The following GNAZ variants were observed in gnomAD, a reference collection of about 807,000 sequenced individuals.
GNAZ encodes guanine nucleotide-binding protein G(z) subunit alpha.
GNAZ carries 3 observed loss-of-function variants against 25.4 expected under a neutral mutation model. The observed-to-expected ratio is 0.12, with a 90% CI of 0.05 to 0.30. GNAZ has a LOEUF of 0.30. Among genes scored for constraint, GNAZ ranks in the 10% least tolerant of loss-of-function variants. GNAZ has a pLI of 1.00. For synonymous variants in GNAZ, 211 were observed against 205.7 expected (o/e 1.03, Z -0.22); for missense variants, 241 against 501.8 (o/e 0.48, Z 4.97).
intron 1 of GNAZ, among the ~76,000 whole-genome samples, chr22:23,093,423 G>A (rs893335791): frequency 6.6e-6 from 1 of 152,222 alleles, no homozygotes; most frequent in African/African-American, 2.4e-5. Context: ...TCCCAGTGGG[G>A]AACGAGGCCA....
In GNAZ at chr22:23,114,414, G is replaced by A. The variant is rs531350818; in HGVS notation, c.724-8673G>A. Among the ~76,000 whole-genome samples the A allele has an allele frequency of 3.9e-5, 6 of 152,284 alleles. No homozygotes were observed. In the East Asian group the frequency reaches 9.7e-4, roughly 25 times the overall value. ...CCGGCCCCACCCTTCCCAGCAATGC[G>A]GCTGCATCCCCATGCCTCTGTGCCT... On this transcript the variant is annotated intron_variant, in intron 2 of 2. Transcript: ENST00000615612.
Position 23,083,798 on chromosome 22 carries a change from C to T in GNAZ, c.-449-11449C>T, listed in dbSNP as rs149825810. ...AAGTCCAGTCCCACTGCCGAACCAG[C>T]GGCACACCACACCTGTTCAAGGTCG... On this transcript the variant is annotated intron_variant, in intron 1 of 2. Coordinates refer to ENST00000615612, the MANE Select transcript of GNAZ (RefSeq NM_002073.4). Among the ~76,000 whole-genome samples, 596 of 152,326 alleles carry T rather than the reference C, an allele frequency of 3.9e-3. 5 individuals carry two copies. The highest frequency in any genetic ancestry group is 0.02 in the East Asian group (105 of 5,184).
Position 23,071,324 on chromosome 22 carries a change from C to G in GNAZ, c.-450+754C>G, listed in dbSNP as rs2068367721. ...GCTGAGCCTTCCTGGGTGATGATGG[C>G]AGGATTCGGCCTAGGCCGAGAATGG... On this transcript the variant is annotated intron_variant, in intron 1 of 2. Transcript: ENST00000615612. The surrounding 1 kb of genome is among the most constrained non-coding windows in gnomAD (Gnocchi z 4.1). Among the ~76,000 whole-genome samples the G allele has an allele frequency of 6.6e-6, 1 of 152,126 alleles. No individual in the cohort carries two copies. Among genetic ancestry groups the G allele is most frequent in the Non-Finnish European group, 1.5e-5 (1 of 68,026 alleles).
At chr22:23,085,667 C>T (rs549043464) in intron 1 of GNAZ, among the ~76,000 whole-genome samples, 2 of 152,286 alleles carry the variant, frequency 1.3e-5, no homozygotes, top group African/African-American at 4.8e-5. Flanking sequence ...CCCTTCAACA[C>T]CAGTACCAGT....
chr22:23,119,455 A>T (rs537921722), intron 2 of GNAZ, among the ~76,000 whole-genome samples: 3 of 152,256 alleles, frequency 2.0e-5, no homozygotes, highest in African/African-American at 7.2e-5. Context: ...CCCATCTCTG[A>T]GAGCTGCAGG....
At chr22:23,089,673 G>A (rs1187511249) in intron 1 of GNAZ, among the ~76,000 whole-genome samples, 1 of 152,196 alleles carries the variant, frequency 6.6e-6, no homozygotes, top group Non-Finnish European at 1.5e-5. Flanking sequence ...GGCCGGGCCT[G>A]CTGGACGGTG....
rs117100499 is a variant in GNAZ at position 23,097,198 on chromosome 22, G to T, written c.723+780G>T. On this transcript the variant is annotated intron_variant, in intron 2 of 2. Transcript: ENST00000615612. ...GGATGGGGGAGTGGGGGCAAACAAGGAGTCACGAAGTTGTGGGTACCCTGG... is the reference window on the plus strand; with the variant it reads ...GGATGGGGGAGTGGGGGCAAACAAGTAGTCACGAAGTTGTGGGTACCCTGG... 2.4e-4 allele frequency among the ~76,000 whole-genome samples: 36 copies of T among 152,300 alleles called. 1 individual carries two copies. The East Asian group carries it at 6.8e-3, about 29-fold the overall frequency.
At chr22:23,078,951 G>C (rs755985773) in intron 1 of GNAZ, among the ~76,000 whole-genome samples, 59 of 152,258 alleles carry the variant, frequency 3.9e-4, no homozygotes, top group South Asian at 8.3e-4. Flanking sequence ...GGAAGGCCAC[G>C]GGCCTTTCCA....
At chr22:23,100,282 G>T (rs920748769) in intron 2 of GNAZ, among the ~76,000 whole-genome samples, 1 of 152,204 alleles carries the variant, frequency 6.6e-6, no homozygotes, top group Non-Finnish European at 1.5e-5. Context: ...TCTAGAGCTG[G>T]CAGGCAGCAG....
chr22:23,083,799 G>A (rs746588768), intron 1 of GNAZ, among the ~76,000 whole-genome samples: 4 of 152,190 alleles, frequency 2.6e-5, no homozygotes, highest in Non-Finnish European at 4.4e-5. Flanking sequence ...CCGAACCAGC[G>A]GCACACCACA....
rs1010010129 is a variant in GNAZ at position 23,096,140 on chromosome 22, C to T, written c.445C>T (p.Leu149=). 8.7e-6 allele frequency: 14 copies of T among 1,612,630 alleles called. No individual in the cohort carries two copies. The African/African-American group carries it at 1.7e-4, about 20-fold the overall frequency. The change falls in exon 2 of 3, where the codon CTG becomes TTG. Residue 149 remains leucine, a synonymous_variant. Transcript: ENST00000615612. Reference sequence around the variant, plus strand: ...CTTCAGCCGCTCCAGCGAGTACCACCTGGAGGACAACGCGGCCTACTACCT... The same window carrying T: ...CTTCAGCCGCTCCAGCGAGTACCACTTGGAGGACAACGCGGCCTACTACCT... The part of the protein sequence containing the change: ...ACFSRSSEYH[L]EDNAAYYLND...
At chr22:23,093,779 C>A (rs2069050933) in intron 1 of GNAZ, among the ~76,000 whole-genome samples, 3 of 152,098 alleles carry the variant, frequency 2.0e-5, no homozygotes, top group Non-Finnish European at 4.4e-5. Flanking sequence ...AGGGTCTGAC[C>A]AAGGGAAAGA....
intron 2 of GNAZ, among the ~76,000 whole-genome samples, chr22:23,119,477 G>C (rs1856957220): frequency 6.6e-6 from 1 of 152,328 alleles, no homozygotes; most frequent in Admixed American, 6.5e-5. Flanking sequence ...CTCTGGTCTA[G>C]GAACAAACCC....
intron 2 of GNAZ, among the ~76,000 whole-genome samples, chr22:23,104,908 G>A (rs1274892262): frequency 6.6e-6 from 1 of 152,182 alleles, no homozygotes; most frequent in East Asian, 1.9e-4. Flanking sequence ...CATCTCAGGG[G>A]GGACACCCAG....
At chr22:23,099,287 A>G (rs2070143585) in intron 2 of GNAZ, among the ~76,000 whole-genome samples, 1 of 152,268 alleles carries the variant, frequency 6.6e-6, no homozygotes, top group African/African-American at 2.4e-5. Flanking sequence ...GTGTCTGTGG[A>G]GCATGGCAGC....
At position 23,095,616 on chromosome 22, in the gene GNAZ, C is replaced by T. The variant is rs1451400524; in HGVS notation, c.-80C>T. On this transcript the variant is annotated 5_prime_UTR_variant, in exon 2 of 3. Coordinates refer to ENST00000615612, the MANE Select transcript of GNAZ (RefSeq NM_002073.4). ...TCCAGGGCAGCTGGGCTCTTGTCTG[C>T]CTGGTCTCAGTGTCCCCTGTGGCAA... 4 of 1,481,806 alleles carry T rather than the reference C, an allele frequency of 2.7e-6. No individual in the cohort carries two copies. The highest frequency in any genetic ancestry group is 2.8e-5 in the African/African-American group (2 of 71,090). 91.8% of individuals were successfully genotyped at this position (1,481,806 alleles called of 1,614,324 possible).
chr22:23,090,842 C>G (rs2068950671), intron 1 of GNAZ, among the ~76,000 whole-genome samples: 1 of 152,222 alleles, frequency 6.6e-6, no homozygotes, highest in Non-Finnish European at 1.5e-5. Context: ...TAGTCTGACT[C>G]CTGCCCTCCC....
intron 2 of GNAZ, among the ~76,000 whole-genome samples, chr22:23,120,330 G>A (rs1428368380): frequency 1.3e-5 from 2 of 152,068 alleles, no homozygotes; most frequent in South Asian, 2.1e-4. Flanking sequence ...CATGGCGTTG[G>A]ACAAGAAGAG....
chr22:23,081,449 G>A (rs2068674844), intron 1 of GNAZ, among the ~76,000 whole-genome samples: 1 of 152,182 alleles, frequency 6.6e-6, no homozygotes, highest in African/African-American at 2.4e-5. Context: ...AGATCAGCCA[G>A]CCAGCAGTCT....
Sources: allele counts gnomAD v4.1 joint callset (sites outside exome capture counted in the v4.1 genomes callset), GRCh38; gene constraint gnomAD v4.1.1; non-coding constraint Gnocchi (gnomAD v3.1); transcripts MANE v1.5; gene names NCBI Gene and HGNC (gene_info 2026-07-23, HGNC 2026-07-21).